The following MIDEAS variants were observed in gnomAD, a reference collection of about 807,000 sequenced individuals.
MIDEAS encodes the protein mitotic deacetylase associated SANT domain protein.
A neutral mutation model predicts 102.7 loss-of-function variants in MIDEAS; 26 were observed. That is an observed-to-expected ratio of 0.25 (90% confidence interval 0.19 to 0.35). MIDEAS has a LOEUF of 0.35. Ranked by LOEUF, MIDEAS falls within the 10% of genes least tolerant of loss-of-function variation. The pLI is 1.00. For missense variants in MIDEAS, 1,231 were observed against 1,435.6 expected (o/e 0.86, Z 2.30); for synonymous variants, 585 against 591.0 (o/e 0.99, Z 0.15).
At chr14:73,781,756 A>C (rs950792637) in intron 1 of MIDEAS, among the ~76,000 whole-genome samples, 1 of 150,636 alleles carries the variant, frequency 6.6e-6, no homozygotes, top group Non-Finnish European at 1.5e-5. Context: ...AAAAAAAAAA[A>C]CTGACTTCAG....
chr14:73,763,710 C>T (rs759332148), upstream of MIDEAS, among the ~76,000 whole-genome samples: 4 of 152,098 alleles, frequency 2.6e-5, no homozygotes, highest in Admixed American at 6.6e-5. Context: ...TCCCTATTGT[C>T]GTTTCCCTCT....
At chr14:73,776,788 C>T (rs1294455730) in intron 1 of MIDEAS, among the ~76,000 whole-genome samples, 1 of 151,874 alleles carries the variant, frequency 6.6e-6, no homozygotes, top group African/African-American at 2.4e-5. Flanking sequence ...TCTTCAGAAC[C>T]GTAACATCAG....
chr14:73,724,860 G>T (rs1040767366), intron 9 of MIDEAS: 7 of 185,130 alleles, frequency 3.8e-5, no homozygotes, highest in Non-Finnish European at 5.8e-5. Flanking sequence ...AAAGGAAGTG[G>T]GCAGAGGCCC....
upstream of MIDEAS, among the ~76,000 whole-genome samples, chr14:73,763,359 AG>A (rs757071810): frequency 2.0e-5 from 3 of 152,280 alleles, no homozygotes; most frequent in Admixed American, 6.5e-5. Flanking sequence ...AAATCTTCCA[AG>A]GGTGAATTTT....
upstream of MIDEAS, among the ~76,000 whole-genome samples, chr14:73,763,220 C>G (rs1184217775): frequency 6.6e-6 from 1 of 152,102 alleles, no homozygotes; most frequent in Non-Finnish European, 1.5e-5. Flanking sequence ...TGCCTGTGGT[C>G]CCAGCTACTC....
chr14:73,727,596 C>G lies in MIDEAS; in HGVS notation c.2096-72G>C, dbSNP rs1445922663. Reference sequence around the variant, plus strand: ...AAGCACCCCCAATCCTAGTGGCTGCCCTGTATGTGCAAGAGTCACAGTGGT... The same window carrying G: ...AAGCACCCCCAATCCTAGTGGCTGCGCTGTATGTGCAAGAGTCACAGTGGT... On this transcript the variant is annotated intron_variant, in intron 4 of 12. Transcript: ENST00000423556. The G allele has an allele frequency of 7.1e-6, 10 of 1,406,762 alleles. No individual in the cohort carries two copies. The East Asian group carries it at 7.4e-5, about 10-fold the overall frequency. 87.1% of individuals were successfully genotyped at this position (1,406,762 alleles called of 1,614,324 possible). A position where few individuals can be genotyped will look rare whatever the true frequency, so the allele number is the denominator to read the frequency against.
Position 73,736,012 on chromosome 14 carries a change from C to G in MIDEAS, c.1749+986G>C, listed in dbSNP as rs537292445. Reference sequence around the variant, plus strand: ...CCTCTACTAAAAATACGAAAATTAGCCAGGCTTCGTGATGCATGCCTGTAA... The same window carrying G: ...CCTCTACTAAAAATACGAAAATTAGGCAGGCTTCGTGATGCATGCCTGTAA... On this transcript the variant is annotated intron_variant, in intron 3 of 12. Coordinates refer to ENST00000423556, the MANE Select transcript of MIDEAS (RefSeq NM_001367710.1). Among the ~76,000 whole-genome samples, 8 of 152,160 alleles carry G rather than the reference C, an allele frequency of 5.3e-5. No individual in the cohort carries two copies. In the East Asian group the frequency reaches 1.5e-3, roughly 29 times the overall value.
chr14:73,726,016 A>G lies in MIDEAS; in HGVS notation c.2485+17T>C, dbSNP rs1204638430. 1 of 1,576,956 alleles carries G rather than the reference A, an allele frequency of 6.3e-7. No individual in the cohort carries two copies. Among genetic ancestry groups the G allele is most frequent in the Non-Finnish European group, 8.6e-7 (1 of 1,161,202 alleles). The stretch of plus-strand genomic sequence containing the variant: ...TCTTGAGGCTCCAGGCACCATGCCC[A>G]CCGCAGCCAGGCCCACCTGTGTAGT... On this transcript the variant is annotated intron_variant, in intron 8 of 12. Coordinates refer to ENST00000423556, the MANE Select transcript of MIDEAS (RefSeq NM_001367710.1).
intron 1 of MIDEAS, among the ~76,000 whole-genome samples, chr14:73,771,656 C>G (rs2053643399): frequency 6.6e-6 from 1 of 152,190 alleles, no homozygotes; most frequent in Non-Finnish European, 1.5e-5. Flanking sequence ...TGCTCAGCGC[C>G]ACACCCAAAC....
intron 1 of MIDEAS, among the ~76,000 whole-genome samples, chr14:73,743,016 G>A (rs1187587421): frequency 6.6e-6 from 1 of 152,134 alleles, no homozygotes; most frequent in Non-Finnish European, 1.5e-5. Flanking sequence ...AGCTAGATGA[G>A]GCTCAGAGGA....
At chr14:73,728,304 A>G (rs1319399537) in intron 4 of MIDEAS, 1 of 150,212 alleles carries the variant, frequency 6.7e-6, no homozygotes, top group African/African-American at 2.5e-5. Context: ...TCCCTCCTGC[A>G]ATGTGAGATA....
At chr14:73,721,551 T>G in intron 10 of MIDEAS, 42 bp from the exon 11 acceptor site, 1 of 1,572,126 alleles carries the variant, frequency 6.4e-7, no homozygotes, top group Non-Finnish European at 8.7e-7. Flanking sequence ...TAGAGCTCTG[T>G]CTCACTGCTG....
At chr14:73,720,855 A>G (rs554155266) in intron 11 of MIDEAS, among the ~76,000 whole-genome samples, 28 of 152,320 alleles carry the variant, frequency 1.8e-4, no homozygotes, top group African/African-American at 6.5e-4. Context: ...CTGAGGGCCT[A>G]TGATTGTCAT....
chr14:73,735,185 T>C (rs2053186497), intron 3 of MIDEAS, among the ~76,000 whole-genome samples: 1 of 152,178 alleles, frequency 6.6e-6, no homozygotes, highest in South Asian at 2.1e-4. Context: ...AAATCTATTG[T>C]ATAACATGAT....
chr14:73,779,595 G>T (rs1346657268), intron 1 of MIDEAS, among the ~76,000 whole-genome samples: 2 of 130,682 alleles, frequency 1.5e-5, no homozygotes, highest in African/African-American at 2.9e-5. Flanking sequence ...TTTTGAGACG[G>T]AGTCTCGCTC....
At chr14:73,735,777 T>A (rs938075601) in intron 3 of MIDEAS, among the ~76,000 whole-genome samples, 3 of 152,242 alleles carry the variant, frequency 2.0e-5, no homozygotes, top group Admixed American at 6.5e-5. Context: ...GGAATAGATA[T>A]GGATACCCTG....
rs752957541 is a variant in MIDEAS, at chr14:73,739,222, CCTGCTGCTG to C, written c.778_786del (p.Gln260_Gln262del). 48 of 1,607,706 alleles carry C rather than the reference CCTGCTGCTG, an allele frequency of 3.0e-5. No homozygotes were observed. The highest frequency in any genetic ancestry group is 2.6e-4 in the Admixed American group (15 of 58,290). ...AAGAGCGGCATCTGGGGTAGGGCTG[CCTGCTGCTG>C]CTGCTGCTGCTGCTGTGGTTGCTGC... is the stretch of plus-strand genomic sequence containing the variant. On this transcript the variant is annotated inframe_deletion, in exon 2 of 13. Transcript: ENST00000423556.
intron 1 of MIDEAS, among the ~76,000 whole-genome samples, chr14:73,776,660 G>A (rs1057448887): frequency 3.9e-5 from 6 of 151,910 alleles, no homozygotes; most frequent in Non-Finnish European, 8.8e-5. Flanking sequence ...CTCTATGAGA[G>A]ACACCTGTCC....
intron 1 of MIDEAS, among the ~76,000 whole-genome samples, chr14:73,753,283 C>CCAAGATATTAGACTGGCTGG (rs1319907592): frequency 1.4e-4 from 22 of 152,346 alleles, no homozygotes; most frequent in African/African-American, 5.1e-4. Context: ...GATATCTCCC[C>CCAAGATATTAGACTGGCTGG]TACCAGCCAG....
Sources: allele counts gnomAD v4.1 joint callset (sites outside exome capture counted in the v4.1 genomes callset), GRCh38; gene constraint gnomAD v4.1.1; transcripts MANE v1.5; gene names NCBI Gene and HGNC (gene_info 2026-07-23, HGNC 2026-07-21).